Variants in OTOF observed in about 807,000 individuals in gnomAD.
OTOF encodes fer-1-like family member 2.
OTOF carries 218 observed loss-of-function variants against 236.8 expected under a neutral mutation model. The observed-to-expected ratio is 0.92, with a 90% CI of 0.82 to 1.03. OTOF has a LOEUF of 1.03. Among genes scored for constraint, OTOF ranks in the 50% least tolerant of loss-of-function variants. The probability of loss-of-function intolerance (pLI) is 0.00; values close to 1 mark genes in which losing one functional copy is unlikely to be tolerated. For synonymous variants in OTOF, 1,041 were observed against 1,072.5 expected (o/e 0.97, Z 0.57); for missense variants, 2,590 against 2,694.4 (o/e 0.96, Z 0.86).
intron 8 of OTOF, among the ~76,000 whole-genome samples, chr2:26,501,364 A>T (rs1435196998): frequency 6.6e-6 from 1 of 152,252 alleles, no homozygotes; most frequent in African/African-American, 2.4e-5. Context: ...CAAATAATAC[A>T]AAACAACAAT....
Position 26,470,786 on chromosome 2 carries a change from C to T in OTOF, c.3895-65G>A. On this transcript the variant is annotated intron_variant, in intron 31 of 46. Coordinates refer to ENST00000272371, the MANE Select transcript of OTOF (RefSeq NM_194248.3). This position sits in a 1 kb window ranked among gnomAD's most constrained non-coding sequence, Gnocchi z 4.3. ...CCTGCCTGGACAATCCCGAGAGCCT[C>T]CACCCATTCCGCCATCTGTCAGCAG... The T allele has an allele frequency of 6.3e-7, 1 of 1,581,794 alleles. No individual in the cohort carries two copies. Among genetic ancestry groups the T allele is most frequent in the Non-Finnish European group, 8.6e-7 (1 of 1,168,260 alleles).
At chr2:26,496,462 A>G (rs2148073528) in intron 8 of OTOF, among the ~76,000 whole-genome samples, 1 of 149,422 alleles carries the variant, frequency 6.7e-6, no homozygotes, top group Admixed American at 6.6e-5. Flanking sequence ...CTGGTCTTGA[A>G]CTCCTGACCT....
At chr2:26,487,456 G>C (rs914446003) in intron 11 of OTOF, among the ~76,000 whole-genome samples, 1 of 152,148 alleles carries the variant, frequency 6.6e-6, no homozygotes, top group South Asian at 2.1e-4. Context: ...TACTCACAAT[G>C]TGGCCCTGGA....
chr2:26,503,076 C>A (rs1191784503), intron 6 of OTOF, among the ~76,000 whole-genome samples: 1 of 148,876 alleles, frequency 6.7e-6, no homozygotes, highest in Non-Finnish European at 1.5e-5. Flanking sequence ...GGCATGGGGG[C>A]AAGAGGGTGG....
rs1040561350 is a variant in OTOF at position 26,462,686 on chromosome 2, C to T, written c.5193-505G>A. The stretch of plus-strand genomic sequence containing the variant: ...GAGTTGGGTGCCCCCTAATGACAGG[C>T]CCTGGAACAGCTGACTCATGGCCTC... On this transcript the variant is annotated intron_variant, in intron 41 of 46. Coordinates refer to ENST00000272371, the MANE Select transcript of OTOF (RefSeq NM_194248.3). The surrounding 1 kb of genome is among the most constrained non-coding windows in gnomAD (Gnocchi z 4.7). Among the ~76,000 whole-genome samples, 1 of 152,190 alleles carries T rather than the reference C, an allele frequency of 6.6e-6. No homozygotes were observed. Among genetic ancestry groups the T allele is most frequent in the African/African-American group, 2.4e-5 (1 of 41,438 alleles).
Position 26,473,976 on chromosome 2 carries a change from A to C in OTOF, c.3408+15T>G. Reference sequence around the variant, plus strand: ...TCCTCATCCAAAAGGGAAGGGCCACACAGAGCCCTCGCACCTCCACTCGGT... The same window carrying C: ...TCCTCATCCAAAAGGGAAGGGCCACCCAGAGCCCTCGCACCTCCACTCGGT... On this transcript the variant is annotated intron_variant, in intron 27 of 46. Coordinates refer to ENST00000272371, the MANE Select transcript of OTOF (RefSeq NM_194248.3). The surrounding 1 kb of genome is among the most constrained non-coding windows in gnomAD (Gnocchi z 7.2). The C allele has an allele frequency of 6.2e-7, 1 of 1,612,754 alleles. No homozygotes were observed. The highest frequency in any genetic ancestry group is 1.1e-5 in the South Asian group (1 of 91,084).
chr2:26,459,816 TAA>T (rs1237389901), intron 46 of OTOF, among the ~76,000 whole-genome samples, 190 bp downstream of exon 46: 3 of 152,212 alleles, frequency 2.0e-5, no homozygotes, highest in Non-Finnish European at 4.4e-5. Context: ...TGTGTGGGCT[TAA>T]GTGTGTGCCT....
intron 2 of OTOF, among the ~76,000 whole-genome samples, chr2:26,531,464 A>G (rs1666947145): frequency 6.6e-6 from 1 of 152,196 alleles, no homozygotes; most frequent in Non-Finnish European, 1.5e-5. Flanking sequence ...AGCAGTCGTA[A>G]GTGACACAGC....
intron 31 of OTOF, 106 bp downstream of exon 31, chr2:26,471,015 G>T: frequency 7.1e-7 from 1 of 1,417,226 alleles, no homozygotes; most frequent in Non-Finnish European, 1.0e-6. Context: ...CCAAGCATGC[G>T]GGGGCTGGGG....
At chr2:26,539,867 A>G (rs1033417845) in intron 1 of OTOF, among the ~76,000 whole-genome samples, 1 of 152,262 alleles carries the variant, frequency 6.6e-6, no homozygotes, top group Non-Finnish European at 1.5e-5. Context: ...AAAACAAAAC[A>G]AAATGAAATG....
Position 26,516,507 on chromosome 2 carries a change from T to C in OTOF, c.420A>G (p.Gln140=). Residue 140 remains glutamine (Q), a synonymous_variant, in exon 5 of 47, where the codon CAA becomes CAG. Coordinates refer to ENST00000272371, the MANE Select transcript of OTOF (RefSeq NM_194248.3). ...DGDFLGDESL[Q]EEEKDSQETD... is the part of the protein sequence containing the mutation. Reference sequence around the variant, plus strand: ...TCTCTTGGCTGTCCTTCTCTTCCTCTTGAAGAGACTCATCTCCCAGGAAGT... The same window carrying C: ...TCTCTTGGCTGTCCTTCTCTTCCTCCTGAAGAGACTCATCTCCCAGGAAGT... 5 of 1,613,508 alleles carry C rather than the reference T, an allele frequency of 3.1e-6. No homozygotes were observed. Among genetic ancestry groups the C allele is most frequent in the Non-Finnish European group, 4.2e-6 (5 of 1,179,824 alleles).
intron 11 of OTOF, 55 bp downstream of exon 11, chr2:26,489,156 C>T (rs984885275): frequency 7.7e-7 from 1 of 1,305,002 alleles, no homozygotes; most frequent in Non-Finnish European, 1.1e-6. Flanking sequence ...GCCCCGTGCA[C>T]CACGCTCCCT....
intron 30 of OTOF, among the ~76,000 whole-genome samples, chr2:26,471,595 C>G (rs552912432): frequency 3.5e-4 from 54 of 152,316 alleles, no homozygotes; most frequent in African/African-American, 1.3e-3. Flanking sequence ...ACCAGGGACT[C>G]TTTGGAAAGG....
At chr2:26,478,174 G>A in intron 18 of OTOF, 1 of 534,458 alleles carries the variant, frequency 1.9e-6, no homozygotes, top group Non-Finnish European at 2.8e-6. Context: ...AGAGGGAGTG[G>A]CTCTGGCTCT....
intron 1 of OTOF, among the ~76,000 whole-genome samples, chr2:26,557,992 G>A (rs1375891899): frequency 6.6e-6 from 1 of 151,810 alleles, no homozygotes; most frequent in African/African-American, 2.4e-5. Flanking sequence ...CGGGGTTCCC[G>A]CCCATGAATA....
chr2:26,468,555 C>T (rs1410283917), intron 32 of OTOF, 81 bp from the exon 33 acceptor site: 2 of 975,078 alleles, frequency 2.1e-6, no homozygotes, highest in Admixed American at 1.7e-5. Context: ...GGGCCCAGAC[C>T]AGTCTTAATG....
In OTOF at chr2:26,460,787, C is replaced by G; in HGVS notation, c.5713-40G>C. 1 of 1,613,478 alleles carries G rather than the reference C, an allele frequency of 6.2e-7. No individual in the cohort carries two copies. The highest frequency in any genetic ancestry group is 8.5e-7 in the Non-Finnish European group (1 of 1,179,478). ...CAGGTCCCAGCGTCCAGGCTGCGTGCTGGGCCCTTGGCACCCCAGCCAGTC... is the reference window on the plus strand; with the variant it reads ...CAGGTCCCAGCGTCCAGGCTGCGTGGTGGGCCCTTGGCACCCCAGCCAGTC... On this transcript the variant is annotated intron_variant, in intron 44 of 46. Coordinates refer to ENST00000272371, the MANE Select transcript of OTOF (RefSeq NM_194248.3). The surrounding 1 kb of genome is among the most constrained non-coding windows in gnomAD (Gnocchi z 5.3).
In OTOF at chr2:26,516,564, A is replaced by C. The variant is rs1408419347; in HGVS notation, c.363T>G (p.Thr121=). 1 of 1,610,192 alleles carries C rather than the reference A, an allele frequency of 6.2e-7. No homozygotes were observed. Among genetic ancestry groups the C allele is most frequent in the African/African-American group, 1.3e-5 (1 of 74,924 alleles). Residue 121 remains threonine, a synonymous_variant, in exon 5 of 47, where the codon ACT becomes ACG. Transcript: ENST00000272371. ...CGTCCCAGGAGCCCACTGTGCCGTC[A>C]GTGGCCTGATACCGGACCTCCACGC... is the stretch of plus-strand genomic sequence containing the variant. The part of the protein sequence containing the change: ...SLCVEVRYQA[T]DGTVGSWDDG...
chr2:26,458,308 A>G (rs1377639879), intron 46 of OTOF, 88 bp from the exon 47 acceptor site: 2 of 1,352,220 alleles, frequency 1.5e-6, no homozygotes, highest in Non-Finnish European at 2.1e-6. Flanking sequence ...GGACCCCCAA[A>G]AGCCCTGCCA....
Sources: allele counts gnomAD v4.1 joint callset (sites outside exome capture counted in the v4.1 genomes callset), GRCh38; gene constraint gnomAD v4.1.1; non-coding constraint Gnocchi (gnomAD v3.1); transcripts MANE v1.5; gene names NCBI Gene and HGNC (gene_info 2026-07-23, HGNC 2026-07-21).